The following DST variants were observed in gnomAD, a reference collection of about 807,000 sequenced individuals.
DST encodes the protein bullous pemphigoid antigen.
In DST, 253 loss-of-function variants were observed where a neutral mutation model predicts 875.2. The ratio of observed to expected loss-of-function variants is 0.29; its 90% confidence interval spans 0.26 to 0.32. The LOEUF (loss-of-function observed/expected upper bound fraction) is 0.32. Among genes scored for constraint, DST ranks in the 10% least tolerant of loss-of-function variants. The probability of loss-of-function intolerance (pLI) is 1.00; values close to 1 mark genes in which losing one functional copy is unlikely to be tolerated. For synonymous variants in DST, 3,124 were observed against 3,197.1 expected (o/e 0.98, Z 0.77); for missense variants, 8,287 against 9,111.6 (o/e 0.91, Z 3.68).
intron 4 of DST, among the ~76,000 whole-genome samples, chr6:56,846,954 G>A (rs903104490): frequency 7.5e-6 from 1 of 133,956 alleles, no homozygotes; most frequent in African/African-American, 2.9e-5. Context: ...AGTGAGCTGA[G>A]ATCACACCAC....
intron 4 of DST, among the ~76,000 whole-genome samples, chr6:56,842,157 C>G (rs1456863449): frequency 6.6e-6 from 1 of 152,050 alleles, no homozygotes; most frequent in African/African-American, 2.4e-5. Flanking sequence ...ACTGAAATTA[C>G]TGACATTGAG....
rs80308357 is a variant in DST, at chr6:56,484,983, T to A, written c.21207+329A>T. ...ATGATTTTAAATTTTATTACATAAT[T>A]GTTTAAGTGCATAACTAAAGATAGT... On this transcript the variant is annotated intron_variant, in intron 88 of 103. Coordinates refer to ENST00000680361, the MANE Select transcript of DST (RefSeq NM_001374736.1). The A allele has an allele frequency of 6.6e-3, 1,394 of 210,078 alleles. 28 individuals are homozygous for A. The highest frequency in any genetic ancestry group is 0.031 in the African/African-American group (1,341 of 42,776). 13.0% of individuals were successfully genotyped at this position (210,078 alleles called of 1,614,324 possible).
At chr6:56,800,704 A>T (rs1029838576) in intron 4 of DST, among the ~76,000 whole-genome samples, 1 of 152,140 alleles carries the variant, frequency 6.6e-6, no homozygotes, top group Non-Finnish European at 1.5e-5. Context: ...CTGATAAAAA[A>T]TAAAAACAAA....
At chr6:56,905,378 G>A (rs189859000) in intron 2 of DST, among the ~76,000 whole-genome samples, 3 of 152,222 alleles carry the variant, frequency 2.0e-5, no homozygotes, top group African/African-American at 7.2e-5. Flanking sequence ...TGGCGTAACG[G>A]AAACTTTATA....
chr6:56,480,264 A>G (rs887915836), intron 90 of DST, among the ~76,000 whole-genome samples: 5 of 152,222 alleles, frequency 3.3e-5, no homozygotes, highest in Non-Finnish European at 5.9e-5. Context: ...CTCCTAAATG[A>G]AAAAAATTTA....
intron 2 of DST, among the ~76,000 whole-genome samples, chr6:56,929,783 T>C (rs1436474334): frequency 1.3e-5 from 2 of 152,174 alleles, no homozygotes; most frequent in Non-Finnish European, 2.9e-5. Flanking sequence ...ATAAACCCAA[T>C]TTACCTTTAA....
At chr6:56,497,157 A>G (rs1389089513) in intron 82 of DST, among the ~76,000 whole-genome samples, 1 of 152,104 alleles carries the variant, frequency 6.6e-6, no homozygotes, top group Non-Finnish European at 1.5e-5. Context: ...TAAAACTTAA[A>G]GTATAATAAT....
chr6:56,892,898 TA>T (rs1169401286), intron 3 of DST, among the ~76,000 whole-genome samples: 1 of 152,186 alleles, frequency 6.6e-6, no homozygotes, highest in African/African-American at 2.4e-5. Flanking sequence ...GGAGGAGGAA[TA>T]AAAGGAAGAA....
chr6:56,896,816 T>A (rs1464444084), intron 3 of DST, among the ~76,000 whole-genome samples: 1 of 152,212 alleles, frequency 6.6e-6, no homozygotes, highest in East Asian at 1.9e-4. Context: ...GGACTGTTTG[T>A]TTTTTTCTTG....
At chr6:56,631,424 A>G in intron 29 of DST, 35 bp from the exon 30 acceptor site, 1 of 1,571,972 alleles carries the variant, frequency 6.4e-7, no homozygotes, top group Non-Finnish European at 8.7e-7. Context: ...GTATCAGGCC[A>G]TCACCTGTGA....
chr6:56,669,429 C>G (rs1216210166), intron 10 of DST, among the ~76,000 whole-genome samples: 1 of 151,696 alleles, frequency 6.6e-6, no homozygotes, highest in African/African-American at 2.4e-5. Context: ...AACCCCATCT[C>G]TACTAAAAAT....
At chr6:56,581,112 T>C (rs2097980027) in intron 49 of DST, among the ~76,000 whole-genome samples, 1 of 148,860 alleles carries the variant, frequency 6.7e-6, no homozygotes, top group African/African-American at 2.5e-5. Flanking sequence ...ATGCCTGTTT[T>C]GGAATTCATG....
In DST at chr6:56,606,520, C is replaced by A. The variant is rs374237949; in HGVS notation, c.8108G>T (p.Gly2703Val). 4 of 1,613,356 alleles carry A rather than the reference C, an allele frequency of 2.5e-6. No individual in the cohort carries two copies. The East Asian group carries it at 8.9e-5, about 36-fold the overall frequency. Residue 2703 changes from glycine to valine, a missense_variant, in exon 40 of 104, where the codon GGT becomes GTT. Around this residue, in one of 10 missense-constraint regions of DST, gnomAD observed 3,138 missense variants for 3,116.6 expected, o/e 1.01. Coordinates refer to ENST00000680361, the MANE Select transcript of DST (RefSeq NM_001374736.1). ...AACAGGATTTAAATGTATTTTTTCA[C>A]CAGAATCTAATTCATCTTTCTCAAC... ...MDVEKDELDS[G>V]EKIHLNPVGS...
At chr6:56,501,876 T>C (rs556852419) in intron 78 of DST, among the ~76,000 whole-genome samples, 183 bp from the exon 79 acceptor site, 6 of 152,196 alleles carry the variant, frequency 3.9e-5, no homozygotes, top group African/African-American at 1.4e-4. Context: ...AAGGAAAATA[T>C]TTTCTCTTTA....
In DST at chr6:56,476,923, G is replaced by A. The variant is rs530988773; in HGVS notation, c.21675+422C>T. Among the ~76,000 whole-genome samples the A allele has an allele frequency of 3.6e-4, 55 of 152,132 alleles. No individual in the cohort carries two copies. The South Asian group carries it at 7.5e-3, about 21-fold the overall frequency. On this transcript the variant is annotated intron_variant, in intron 91 of 103. Coordinates refer to ENST00000680361, the MANE Select transcript of DST (RefSeq NM_001374736.1). ...GCCGAGATCCAGCTACTGCACTCCA[G>A]CCTGGGCAATAAATCGAGACTCCGT...
chr6:56,562,133 C>A lies in DST; in HGVS notation c.14068+5G>T. ...AATCAGTAACAAATTAAAATTAATA[C>A]TCACCTTTATTTGCCCAAAATTCCT... On this transcript the variant is annotated splice_donor_5th_base_variant and intron_variant, in intron 56 of 103. Coordinates refer to ENST00000680361, the MANE Select transcript of DST (RefSeq NM_001374736.1). 1 of 1,518,164 alleles carries A rather than the reference C, an allele frequency of 6.6e-7. No individual in the cohort carries two copies. The highest frequency in any genetic ancestry group is 8.9e-7 in the Non-Finnish European group (1 of 1,123,164). 94.0% of individuals were successfully genotyped at this position (1,518,164 alleles called of 1,614,324 possible).
At chr6:56,814,493 G>C (rs2099764315) in intron 4 of DST, among the ~76,000 whole-genome samples, 1 of 152,176 alleles carries the variant, frequency 6.6e-6, no homozygotes, top group Admixed American at 6.5e-5. Flanking sequence ...CAGTCCTGCA[G>C]AGCAGGATTT....
intron 45 of DST, among the ~76,000 whole-genome samples, chr6:56,599,008 T>G (rs2098418404): frequency 6.6e-6 from 1 of 152,140 alleles, no homozygotes; most frequent in South Asian, 2.1e-4. Flanking sequence ...CACCAGATTT[T>G]TTAATATTAT....
At chr6:56,791,207 C>T (rs763900966) in intron 4 of DST, among the ~76,000 whole-genome samples, 7 of 152,070 alleles carry the variant, frequency 4.6e-5, no homozygotes, top group Non-Finnish European at 8.8e-5. Flanking sequence ...GGCAGTGAGC[C>T]GAGATGGCAC....
Sources: allele counts gnomAD v4.1 joint callset (sites outside exome capture counted in the v4.1 genomes callset), GRCh38; gene constraint gnomAD v4.1.1; regional missense constraint gnomAD v4.1.1; transcripts MANE v1.5; gene names NCBI Gene and HGNC (gene_info 2026-07-23, HGNC 2026-07-21).